The following FAM13A variants were observed in gnomAD, a reference collection of about 807,000 sequenced individuals.
FAM13A encodes the protein family with sequence similarity 13 member A.
Under a neutral mutation model 129.6 loss-of-function variants are expected in FAM13A, and 76 were observed. The observed-to-expected ratio is 0.59, with a 90% CI of 0.49 to 0.71. The LOEUF is 0.71. FAM13A is among the 30% of genes least tolerant of loss of function. The probability of loss-of-function intolerance (pLI) is 0.00; values close to 1 mark genes in which losing one functional copy is unlikely to be tolerated. For synonymous variants in FAM13A, 443 were observed against 449.9 expected, an observed-to-expected ratio of 0.98 and a Z score of 0.20; for missense variants, 1,108 against 1,249.3, an observed-to-expected ratio of 0.89 and a Z score of 1.70.
At chr4:88,817,236 T>C (rs1437015187) in intron 7 of FAM13A, among the ~76,000 whole-genome samples, 2 of 152,206 alleles carry the variant, frequency 1.3e-5, no homozygotes, top group Non-Finnish European at 2.9e-5. Flanking sequence ...ATTTGTATGA[T>C]ATGTGAATTA....
Position 88,732,013 on chromosome 4 carries a change from A to G in FAM13A, c.2832T>C (p.His944=). The G allele has an allele frequency of 1.2e-6, 2 of 1,611,418 alleles. No individual in the cohort carries two copies. Among genetic ancestry groups the G allele is most frequent in the South Asian group, 1.1e-5 (1 of 90,516 alleles). The change falls in exon 22 of 24, where the codon CAT becomes CAC. Residue 944 remains histidine (H), a synonymous_variant. Transcript: ENST00000264344. ...CCAAAATGACATACATTGAGGCAGC[A>G]TGGAGATTTGAAAGCCCTGTGTCCT... The part of the protein sequence containing the change: ...CSQDTGLSNL[H]AASIPELLEH...
At chr4:88,982,544 G>A (rs1761771119) in intron 4 of FAM13A, among the ~76,000 whole-genome samples, 1 of 152,176 alleles carries the variant, frequency 6.6e-6, no homozygotes, top group Non-Finnish European at 1.5e-5. Context: ...ACCTGCATTA[G>A]TAGAATAAGG....
chr4:89,021,037 C>T (rs555162802), intron 2 of FAM13A, among the ~76,000 whole-genome samples: 2 of 152,328 alleles, frequency 1.3e-5, no homozygotes, highest in East Asian at 3.9e-4. Flanking sequence ...TCATGAACAA[C>T]TACTTTTTAA....
chr4:88,923,452 C>T (rs1259816671), intron 5 of FAM13A, among the ~76,000 whole-genome samples: 2 of 152,112 alleles, frequency 1.3e-5, no homozygotes, highest in Non-Finnish European at 2.9e-5. Flanking sequence ...AGACAAAAAC[C>T]ACATGATTAT....
At chr4:88,989,208 AAAAC>A (rs139128222) in intron 4 of FAM13A, among the ~76,000 whole-genome samples, 104,564 of 150,790 alleles carry the variant, frequency 0.69, 36,370 homozygotes, top group Middle Eastern at 0.79. Flanking sequence ...ACTCTGTCTC[AAAAC>A]AAACAAACAA....
chr4:88,741,148 T>C (rs1740164211), intron 19 of FAM13A, among the ~76,000 whole-genome samples: 1 of 152,216 alleles, frequency 6.6e-6, no homozygotes. Context: ...ATTCCACTCT[T>C]AAGTATATAC....
At chr4:88,857,050 C>T (rs993733232) in intron 6 of FAM13A, among the ~76,000 whole-genome samples, 3 of 152,312 alleles carry the variant, frequency 2.0e-5, no homozygotes, top group Non-Finnish European at 2.9e-5. Flanking sequence ...TGAATCTCTC[C>T]TGTGCCAGCC....
At chr4:89,045,300 C>T (rs1770707303) in intron 1 of FAM13A, among the ~76,000 whole-genome samples, 1 of 152,046 alleles carries the variant, frequency 6.6e-6, no homozygotes, top group African/African-American at 2.4e-5. Context: ...AAACTGTTCA[C>T]CTCAGTAAGG....
intron 7 of FAM13A, among the ~76,000 whole-genome samples, chr4:88,844,783 G>A (rs987778920): frequency 6.6e-6 from 1 of 152,198 alleles, no homozygotes; most frequent in Admixed American, 6.5e-5. Context: ...TACAGAGATG[G>A]TAAGCGGTGA....
chr4:88,770,294 A>G (rs1336312002), intron 11 of FAM13A, among the ~76,000 whole-genome samples: 1 of 152,232 alleles, frequency 6.6e-6, no homozygotes. Flanking sequence ...TGTATCTATG[A>G]CAAAGAATCT....
chr4:88,984,806 T>G (rs1762045078), intron 4 of FAM13A, among the ~76,000 whole-genome samples: 1 of 152,190 alleles, frequency 6.6e-6, no homozygotes, highest in African/African-American at 2.4e-5. Flanking sequence ...CACATCCCAT[T>G]GCTGATGGGA....
At chr4:88,737,094 A>C (rs1434378927) in intron 21 of FAM13A, among the ~76,000 whole-genome samples, 3 of 152,240 alleles carry the variant, frequency 2.0e-5, no homozygotes, top group African/African-American at 7.2e-5. Flanking sequence ...CTAATGAGCT[A>C]ATTTAAGATT....
intron 3 of FAM13A, among the ~76,000 whole-genome samples, chr4:88,999,476 T>G (rs1386876166): frequency 6.6e-6 from 1 of 152,138 alleles, no homozygotes; most frequent in African/African-American, 2.4e-5. Context: ...TCTGAAACAA[T>G]ATTGGCAGTA....
chr4:89,011,333 C>T (rs1765703240), intron 3 of FAM13A, among the ~76,000 whole-genome samples: 1 of 152,136 alleles, frequency 6.6e-6, no homozygotes, highest in Non-Finnish European at 1.5e-5. Context: ...CTGAATTGTA[C>T]TTAAAAATGG....
rs955775435 is a variant in FAM13A, at chr4:89,032,936, T to C, written c.28-3287A>G. Among the ~76,000 whole-genome samples, 26 of 152,226 alleles carry C rather than the reference T, an allele frequency of 1.7e-4. 2 individuals are homozygous for C. On this transcript the variant is annotated intron_variant, in intron 1 of 23. Transcript: ENST00000264344. ...AGACAGAAAATGGGTACTACTCTAG[T>C]GCTCTAACAAGATGGGTGACAGCAT...
chr4:88,740,211 C>T (rs1025830343), intron 19 of FAM13A, among the ~76,000 whole-genome samples: 3 of 152,224 alleles, frequency 2.0e-5, no homozygotes, highest in Non-Finnish European at 2.9e-5. Flanking sequence ...CTTCTTCCAA[C>T]ATCCCCCATT....
intron 4 of FAM13A, among the ~76,000 whole-genome samples, chr4:88,969,413 G>T (rs1248954565): frequency 6.6e-6 from 1 of 152,124 alleles, no homozygotes; most frequent in Admixed American, 6.5e-5. Context: ...CCTAGGTGAT[G>T]AATGCAAGCA....
intron 5 of FAM13A, among the ~76,000 whole-genome samples, chr4:88,912,592 CA>C: frequency 6.6e-6 from 1 of 151,968 alleles, no homozygotes; most frequent in Non-Finnish European, 1.5e-5. Context: ...CACACACACA[CA>C]CACACACACA....
At chr4:88,930,569 G>A (rs1055691438) in intron 5 of FAM13A, among the ~76,000 whole-genome samples, 1 of 152,120 alleles carries the variant, frequency 6.6e-6, no homozygotes, top group Non-Finnish European at 1.5e-5. Flanking sequence ...GGGCCCTGGT[G>A]GTGGCAGCAA....
Sources: gnomAD v4.1 joint callset for allele counts (sites outside exome capture counted in the v4.1 genomes callset) on GRCh38, gnomAD v4.1.1 for gene constraint, MANE v1.5 for transcripts, NCBI Gene and HGNC (gene_info 2026-07-23, HGNC 2026-07-21) for gene names.